EIPR1: variants seen among roughly 807,000 people sequenced by gnomAD.
EIPR1 encodes EARP and GARP complex-interacting protein 1.
EIPR1 carries 25 observed loss-of-function variants against 48.1 expected under a neutral mutation model. That is an observed-to-expected ratio of 0.52 (90% CI 0.38 to 0.73). The LOEUF is 0.73. Among genes scored for constraint, EIPR1 ranks in the 30% least tolerant of loss-of-function variants. The pLI, the probability that EIPR1 is intolerant of heterozygous loss-of-function variation, is 0.00. For missense variants in EIPR1, 415 were observed against 506.2 expected (o/e 0.82, Z 1.73); for synonymous variants, 204 against 201.9 (o/e 1.01, Z -0.09).
chr2:3,336,544 G>A (rs955113741), intron 3 of EIPR1, among the ~76,000 whole-genome samples: 6 of 152,150 alleles, frequency 3.9e-5, no homozygotes, highest in African/African-American at 1.4e-4. Context: ...AAGGCAGGCG[G>A]ATCACCTGAG....
At chr2:3,280,226 C>T (rs1239927715) in intron 3 of EIPR1, among the ~76,000 whole-genome samples, 3 of 152,220 alleles carry the variant, frequency 2.0e-5, no homozygotes, top group African/African-American at 7.2e-5. Flanking sequence ...AACCTGAGTC[C>T]GGAGCCTCAC....
intron 1 of EIPR1, among the ~76,000 whole-genome samples, chr2:3,356,789 CAGG>C (rs1375212114): frequency 2.0e-5 from 3 of 152,212 alleles, no homozygotes; most frequent in South Asian, 2.1e-4. Flanking sequence ...GGTGGTGAGG[CAGG>C]AGAACAGGGT....
At chr2:3,290,343 T>C (rs1285450979) in intron 3 of EIPR1, among the ~76,000 whole-genome samples, 1 of 152,130 alleles carries the variant, frequency 6.6e-6, no homozygotes, top group African/African-American at 2.4e-5. Flanking sequence ...ACCTTTTAAA[T>C]ACAAAAGAAT....
chr2:3,358,004 G>A (rs977386658), intron 1 of EIPR1, among the ~76,000 whole-genome samples: 7 of 152,096 alleles, frequency 4.6e-5, no homozygotes, highest in Admixed American at 6.5e-5. Context: ...GAGCCACTAC[G>A]TTTATGGGAA....
chr2:3,244,256 C>G (rs1399780665), intron 4 of EIPR1, among the ~76,000 whole-genome samples: 1 of 152,226 alleles, frequency 6.6e-6, no homozygotes, highest in Non-Finnish European at 1.5e-5. Flanking sequence ...GCAGTTTGGT[C>G]TCCTTTTTCT....
At chr2:3,294,785 TACAC>T (rs1668488158) in intron 3 of EIPR1, among the ~76,000 whole-genome samples, 1 of 25,436 alleles carries the variant, frequency 3.9e-5, no homozygotes, top group Non-Finnish European at 7.8e-5. Flanking sequence ...TCTCTCTACA[TACAC>T]ACCCTCCATC....
At chr2:3,304,325 A>C (rs1230163716) in intron 3 of EIPR1, among the ~76,000 whole-genome samples, 15 of 152,200 alleles carry the variant, frequency 9.9e-5, no homozygotes. Flanking sequence ...AGGCAACCTC[A>C]TCAGAAGACA....
chr2:3,309,609 C>CA (rs1189071907), intron 3 of EIPR1, among the ~76,000 whole-genome samples: 5 of 152,130 alleles, frequency 3.3e-5, no homozygotes, highest in South Asian at 2.1e-4. Context: ...ATGCAGTCTA[C>CA]AAAAAATCCC....
At chr2:3,227,208 A>G (rs116468574) in intron 4 of EIPR1, among the ~76,000 whole-genome samples, 2,524 of 152,292 alleles carry the variant, frequency 0.017, 74 homozygotes, top group African/African-American at 0.058. Flanking sequence ...GGAGACTTGG[A>G]GGGCTCACAA....
chr2:3,308,448 T>C (rs147560730), intron 3 of EIPR1, among the ~76,000 whole-genome samples: 1 of 151,980 alleles, frequency 6.6e-6, no homozygotes, highest in East Asian at 1.9e-4. Context: ...GAGAAAACAT[T>C]TAAAGACAGA....
At chr2:3,234,280 G>A (rs895749076) in intron 4 of EIPR1, among the ~76,000 whole-genome samples, 7 of 152,144 alleles carry the variant, frequency 4.6e-5, no homozygotes, top group African/African-American at 7.2e-5. Flanking sequence ...CTAATACATC[G>A]CATGCTTAAA....
At chr2:3,356,839 C>T (rs1053844407) in intron 1 of EIPR1, among the ~76,000 whole-genome samples, 1 of 152,212 alleles carries the variant, frequency 6.6e-6, no homozygotes, top group Non-Finnish European at 1.5e-5. Context: ...ACCCTGACTT[C>T]CTAGAACTAA....
chr2:3,268,841 C>T (rs1434002545), intron 3 of EIPR1, among the ~76,000 whole-genome samples: 2 of 152,100 alleles, frequency 1.3e-5, no homozygotes, highest in Non-Finnish European at 2.9e-5. Context: ...AACACGAGGC[C>T]GACTTTGGTG....
chr2:3,203,535 C>T (rs962889615), intron 5 of EIPR1, among the ~76,000 whole-genome samples: 8 of 152,230 alleles, frequency 5.3e-5, no homozygotes, highest in African/African-American at 1.7e-4. Context: ...GCAGTCGGGG[C>T]GCCTCCTCCA....
chr2:3,298,828 T>C (rs929410816), intron 3 of EIPR1, among the ~76,000 whole-genome samples: 2 of 152,172 alleles, frequency 1.3e-5, no homozygotes, highest in African/African-American at 4.8e-5. Context: ...GGCATTCCAG[T>C]GTCGGCACAA....
chr2:3,190,965 G>A (rs199930082), intron 8 of EIPR1, among the ~76,000 whole-genome samples: 1 of 148,220 alleles, frequency 6.7e-6, no homozygotes, highest in East Asian at 2.0e-4. Context: ...ATGGTGCCAT[G>A]GGCCTGTTGT....
chr2:3,344,841 T>C (rs942009962), intron 2 of EIPR1, among the ~76,000 whole-genome samples: 2 of 151,846 alleles, frequency 1.3e-5, no homozygotes, highest in Non-Finnish European at 2.9e-5. Context: ...CAGGGTTTCA[T>C]CATATTGGCC....
chr2:3,210,454 C>T (rs926449506), intron 5 of EIPR1, among the ~76,000 whole-genome samples: 10 of 152,072 alleles, frequency 6.6e-5, no homozygotes, highest in Admixed American at 1.3e-4. Context: ...AATGGACAGA[C>T]ATTGGGACAA....
chr2:3,209,891 G>C lies in EIPR1; in HGVS notation c.516+4258C>G, dbSNP rs76434269. 2.0e-5 allele frequency among the ~76,000 whole-genome samples: 3 copies of C among 152,262 alleles called. No homozygotes were observed. The East Asian group carries it at 5.8e-4, about 29-fold the overall frequency. On this transcript the variant is annotated intron_variant, in intron 5 of 8. Transcript: ENST00000382125. ...GAGAGAGCATGAGGAAAGAATCATC[G>C]TTGGGGCACAGAGTATTTTTAGGGC...
Sources: gnomAD v4.1 joint callset for allele counts (sites outside exome capture counted in the v4.1 genomes callset) on GRCh38, gnomAD v4.1.1 for gene constraint, MANE v1.5 for transcripts, NCBI Gene and HGNC (gene_info 2026-07-23, HGNC 2026-07-21) for gene names.